Variants in LUZP2 observed in about 807,000 individuals in gnomAD.
LUZP2 encodes the protein leucine zipper protein 2.
LUZP2 carries 52 observed loss-of-function variants against 51.6 expected under a neutral mutation model. That is an observed-to-expected ratio of 1.01 (90% CI 0.81 to 1.27). The LOEUF is 1.27. Ranked by LOEUF, LUZP2 falls within the 50% of genes most tolerant of loss-of-function variation. The probability of loss-of-function intolerance (pLI) is 0.00; values close to 1 mark genes in which losing one functional copy is unlikely to be tolerated. For missense variants in LUZP2, 436 were observed against 395.4 expected (o/e 1.10, Z -0.87); for synonymous variants, 154 against 137.3 (o/e 1.12, Z -0.85).
intron 1 of LUZP2, among the ~76,000 whole-genome samples, chr11:24,677,420 A>G (rs575161031): frequency 6.6e-6 from 1 of 152,324 alleles, no homozygotes; most frequent in African/African-American, 2.4e-5. Flanking sequence ...GTCTTCGTGT[A>G]GGTATGGTAG....
intron 7 of LUZP2, among the ~76,000 whole-genome samples, chr11:24,952,914 G>A (rs1486037628): frequency 6.6e-6 from 1 of 151,722 alleles, no homozygotes; most frequent in African/African-American, 2.4e-5. Flanking sequence ...CATCTCTGTG[G>A]CCTCACATTT....
intron 1 of LUZP2, among the ~76,000 whole-genome samples, chr11:24,581,977 G>A (rs990482570): frequency 6.6e-6 from 1 of 151,926 alleles, no homozygotes. Flanking sequence ...CCTAAGCACC[G>A]CCACCTCCTC....
At chr11:25,038,539 T>A (rs1204645973) in intron 9 of LUZP2, among the ~76,000 whole-genome samples, 2 of 152,228 alleles carry the variant, frequency 1.3e-5, no homozygotes, top group East Asian at 3.8e-4. Flanking sequence ...CATCTTTCTA[T>A]TCTTAAATCT....
intron 5 of LUZP2, among the ~76,000 whole-genome samples, chr11:24,775,283 T>C (rs1848881788): frequency 1.3e-5 from 2 of 152,182 alleles, no homozygotes; most frequent in South Asian, 4.1e-4. Context: ...AAGAAATTGT[T>C]ACTTGTTTAT....
chr11:24,561,692 G>A (rs1396800240), intron 1 of LUZP2, among the ~76,000 whole-genome samples: 1 of 152,032 alleles, frequency 6.6e-6, no homozygotes, highest in East Asian at 1.9e-4. Context: ...GGATAGGAGA[G>A]GGATAGCATT....
chr11:24,829,420 C>T (rs1590606251), intron 5 of LUZP2, among the ~76,000 whole-genome samples: 1 of 152,182 alleles, frequency 6.6e-6, no homozygotes, highest in Non-Finnish European at 1.5e-5. Flanking sequence ...AACACATAAA[C>T]ACAGAACTTT....
At chr11:25,006,886 G>A (rs936770071) in intron 9 of LUZP2, among the ~76,000 whole-genome samples, 20 of 152,124 alleles carry the variant, frequency 1.3e-4, no homozygotes, top group African/African-American at 2.4e-4. Flanking sequence ...CTTCCACAGC[G>A]TGGAAAGGGA....
In LUZP2 at chr11:24,912,710, T is replaced by C. The variant is rs112907120; in HGVS notation, c.460-1766T>C. On this transcript the variant is annotated intron_variant, in intron 6 of 11. Coordinates refer to ENST00000336930, the MANE Select transcript of LUZP2 (RefSeq NM_001009909.4). ...CTGTAGTCCCAGCTACTCAGGAGGCTGAGGCAGGAGAATTGCTTGAACCAA... is the reference window on the plus strand; with the variant it reads ...CTGTAGTCCCAGCTACTCAGGAGGCCGAGGCAGGAGAATTGCTTGAACCAA... Among the ~76,000 whole-genome samples the C allele has an allele frequency of 7.9e-3, 1,207 of 152,192 alleles. 3 individuals are homozygous for C. Among genetic ancestry groups the C allele is most frequent in the Middle Eastern group, 0.02 (6 of 294 alleles).
intron 1 of LUZP2, among the ~76,000 whole-genome samples, chr11:24,550,398 T>TG (rs1426193014): frequency 6.6e-6 from 1 of 152,114 alleles, no homozygotes; most frequent in East Asian, 1.9e-4. Flanking sequence ...ACTTATTCTG[T>TG]TAGCTGGGTT....
At chr11:24,522,749 T>C (rs1850682779) in intron 1 of LUZP2, among the ~76,000 whole-genome samples, 1 of 152,126 alleles carries the variant, frequency 6.6e-6, no homozygotes, top group Non-Finnish European at 1.5e-5. Context: ...AAGAAACTTG[T>C]TATTTTAAAT....
chr11:24,803,965 A>T (rs898195646), intron 5 of LUZP2, among the ~76,000 whole-genome samples: 1 of 149,032 alleles, frequency 6.7e-6, no homozygotes, highest in Non-Finnish European at 1.5e-5. Context: ...GCAGTGAGAC[A>T]TTGAAGTACA....
intron 9 of LUZP2, among the ~76,000 whole-genome samples, chr11:25,023,612 G>A (rs1480875112): frequency 5.9e-5 from 9 of 151,782 alleles, no homozygotes; most frequent in Admixed American, 5.9e-4. Context: ...TTTTTGAAGG[G>A]TTTTTTATGT....
At chr11:24,703,212 C>T (rs945966289) in intron 1 of LUZP2, among the ~76,000 whole-genome samples, 7 of 152,234 alleles carry the variant, frequency 4.6e-5, no homozygotes, top group African/African-American at 1.7e-4. Context: ...CTCCTACTGA[C>T]CTCTGTATCA....
intron 1 of LUZP2, among the ~76,000 whole-genome samples, chr11:24,693,936 G>A (rs1857158821): frequency 6.6e-6 from 1 of 151,794 alleles, no homozygotes; most frequent in Non-Finnish European, 1.5e-5. Context: ...AAAATTAAAA[G>A]GATTAATAAT....
chr11:24,873,004 A>G (rs1382604398), intron 5 of LUZP2, among the ~76,000 whole-genome samples: 1 of 152,172 alleles, frequency 6.6e-6, no homozygotes, highest in Non-Finnish European at 1.5e-5. Flanking sequence ...CTGTAAGGAG[A>G]AACACTATTA....
chr11:24,502,318 G>C (rs977823207), intron 1 of LUZP2, among the ~76,000 whole-genome samples: 1 of 152,130 alleles, frequency 6.6e-6, no homozygotes, highest in African/African-American at 2.4e-5. Flanking sequence ...GTAGAGAAGA[G>C]AGGAAGTCAG....
chr11:24,653,765 G>T, intron 1 of LUZP2, among the ~76,000 whole-genome samples: 1 of 152,254 alleles, frequency 6.6e-6, no homozygotes, highest in African/African-American at 2.4e-5. Flanking sequence ...AAAGTGATCC[G>T]TTCCCAGAAG....
intron 5 of LUZP2, among the ~76,000 whole-genome samples, chr11:24,815,302 A>G (rs565738063): frequency 2.0e-5 from 3 of 152,322 alleles, no homozygotes; most frequent in Non-Finnish European, 2.9e-5. Context: ...CTTATATGCA[A>G]TATTGATCTT....
intron 1 of LUZP2, among the ~76,000 whole-genome samples, chr11:24,619,811 G>GA (rs1188808869): frequency 6.6e-6 from 1 of 151,908 alleles, no homozygotes; most frequent in African/African-American, 2.4e-5. Context: ...ATAATAATAA[G>GA]AAAAAAAGTC....
Sources: allele counts gnomAD v4.1 joint callset (sites outside exome capture counted in the v4.1 genomes callset), GRCh38; gene constraint gnomAD v4.1.1; transcripts MANE v1.5; gene names NCBI Gene and HGNC (gene_info 2026-07-23, HGNC 2026-07-21).